SLC35F1: variants seen among roughly 807,000 people sequenced by gnomAD.
SLC35F1 encodes solute carrier family 35 member F1, also known as chromosome 6 open reading frame 169.
In SLC35F1, 14 loss-of-function variants were observed where a neutral mutation model predicts 48.7. The ratio of observed to expected loss-of-function variants is 0.29; its 90% CI spans 0.19 to 0.45. SLC35F1 has a LOEUF of 0.45. Among genes scored for constraint, SLC35F1 ranks in the 20% least tolerant of loss-of-function variants. SLC35F1 has a pLI of 1.00. For missense variants in SLC35F1, 404 were observed against 500.0 expected, an observed-to-expected ratio of 0.81 and a Z score of 1.83; for synonymous variants, 190 against 202.2, an observed-to-expected ratio of 0.94 and a Z score of 0.51.
intron 1 of SLC35F1, among the ~76,000 whole-genome samples, chr6:118,073,222 G>GA (rs1453592825): frequency 1.3e-5 from 2 of 152,062 alleles, no homozygotes; most frequent in Admixed American, 6.6e-5. Flanking sequence ...ATCCTCTATA[G>GA]AAAAAAATGT....
chr6:118,006,127 GA>G (rs1452864836), intron 1 of SLC35F1, among the ~76,000 whole-genome samples: 1 of 152,068 alleles, frequency 6.6e-6, no homozygotes, highest in Non-Finnish European at 1.5e-5. Context: ...GATTAAGTTA[GA>G]ATTATTGCTA....
At chr6:118,183,980 T>C (rs978725689) in intron 2 of SLC35F1, among the ~76,000 whole-genome samples, 1 of 149,834 alleles carries the variant, frequency 6.7e-6, no homozygotes, top group Admixed American at 6.6e-5. Flanking sequence ...GAAATCTGTT[T>C]CTCTCTCCAC....
At chr6:118,069,230 A>G (rs1416652414) in intron 1 of SLC35F1, among the ~76,000 whole-genome samples, 2 of 152,214 alleles carry the variant, frequency 1.3e-5, no homozygotes, top group Non-Finnish European at 2.9e-5. Flanking sequence ...GATCCCAATC[A>G]ATTGTCAAAT....
rs569264963 is a variant in SLC35F1, at chr6:117,972,725, G to A, written c.173+64826G>A. Among the ~76,000 whole-genome samples the A allele has an allele frequency of 5.9e-5, 9 of 152,182 alleles. No individual in the cohort carries two copies. In the South Asian group the frequency reaches 1.9e-3, roughly 32 times the overall value. On this transcript the variant is annotated intron_variant, in intron 1 of 7. Coordinates refer to ENST00000360388, the MANE Select transcript of SLC35F1 (RefSeq NM_001029858.4). The stretch of plus-strand genomic sequence containing the variant: ...CAGCATGGGAAAAACCTGCCCCCAT[G>A]AGTCAGTTACCTCCCACTGGGTCCC...
Position 118,281,250 on chromosome 6 carries a change from T to A in SLC35F1, c.847+3704T>A, listed in dbSNP as rs551049774. Among the ~76,000 whole-genome samples the A allele has an allele frequency of 8.7e-4, 127 of 146,130 alleles. No individual in the cohort carries two copies. The Middle Eastern group carries it at 0.011, about 12-fold the overall frequency. ...ATATTAACTGAGGTATTGATAGGAG[T>A]CAAATAGGATGTTCCTTCAAAGCCT... On this transcript the variant is annotated intron_variant, in intron 6 of 7. Coordinates refer to ENST00000360388, the MANE Select transcript of SLC35F1 (RefSeq NM_001029858.4).
At chr6:117,990,693 AAAG>A (rs1776906551) in intron 1 of SLC35F1, among the ~76,000 whole-genome samples, 3 of 152,162 alleles carry the variant, frequency 2.0e-5, no homozygotes, top group Admixed American at 2.0e-4. Context: ...AAGGTATGTA[AAAG>A]AAGGTGGAGA....
chr6:117,982,457 G>A (rs750702435), intron 1 of SLC35F1, among the ~76,000 whole-genome samples: 3 of 152,072 alleles, frequency 2.0e-5, no homozygotes, highest in East Asian at 1.9e-4. Flanking sequence ...TTCATTCTTC[G>A]TTTCCATGCA....
At position 118,227,031 on chromosome 6, in the gene SLC35F1, A is replaced by G. The variant is rs186809311; in HGVS notation, c.350-8478A>G. 1.6e-4 allele frequency among the ~76,000 whole-genome samples: 24 copies of G among 152,350 alleles called. No homozygotes were observed. In the East Asian group the frequency reaches 4.1e-3, roughly 26 times the overall value. On this transcript the variant is annotated intron_variant, in intron 2 of 7. Transcript: ENST00000360388. ...AAAGTTGCTCAACATTGTGCACACC[A>G]TGGGTGGAATAACCTGGGTGACAGC...
Position 117,984,828 on chromosome 6 carries a change from G to C in SLC35F1, c.173+76929G>C, listed in dbSNP as rs1308868095. Among the ~76,000 whole-genome samples, 3 of 152,334 alleles carry C rather than the reference G, an allele frequency of 2.0e-5. No homozygotes were observed. The East Asian group carries it at 5.8e-4, about 29-fold the overall frequency. On this transcript the variant is annotated intron_variant, in intron 1 of 7. Transcript: ENST00000360388. ...GATGCGTAAACTGAGGCTTAGAAAG[G>C]ATATGAATTAACCAGAGTGCATGAC...
chr6:118,155,786 A>G (rs1774131578), intron 2 of SLC35F1, among the ~76,000 whole-genome samples: 2 of 152,244 alleles, frequency 1.3e-5, no homozygotes, highest in African/African-American at 4.8e-5. Flanking sequence ...TTTGGAGACC[A>G]TTATATACAT....
intron 2 of SLC35F1, among the ~76,000 whole-genome samples, chr6:118,179,667 G>T (rs935313293): frequency 6.6e-6 from 1 of 152,104 alleles, no homozygotes; most frequent in Non-Finnish European, 1.5e-5. Flanking sequence ...TTGTTTATAT[G>T]TTGGGAGAAA....
intron 7 of SLC35F1, among the ~76,000 whole-genome samples, chr6:118,288,893 C>A (rs1332350655): frequency 6.6e-6 from 1 of 152,088 alleles, no homozygotes; most frequent in East Asian, 1.9e-4. Context: ...ACAAAAAAAC[C>A]CCACAAAACG....
chr6:117,990,171 A>C (rs1342127539), intron 1 of SLC35F1, among the ~76,000 whole-genome samples: 1 of 152,216 alleles, frequency 6.6e-6, no homozygotes, highest in Admixed American at 6.5e-5. Flanking sequence ...TAAAGGCATC[A>C]GGTGAAGATC....
In SLC35F1 at chr6:118,013,325, G is replaced by A. The variant is rs74953590; in HGVS notation, c.173+105426G>A. Among the ~76,000 whole-genome samples, 1,103 of 152,208 alleles carry A rather than the reference G, an allele frequency of 7.2e-3. 16 individuals carry two copies. The highest frequency in any genetic ancestry group is 0.025 in the African/African-American group (1,047 of 41,520). ...GGGGAGGGTGTGGACTGGGCAGCAG[G>A]CTTTTAAACATTGATCTGCAGTGTA... is the stretch of plus-strand genomic sequence containing the variant. On this transcript the variant is annotated intron_variant, in intron 1 of 7. Transcript: ENST00000360388.
intron 1 of SLC35F1, among the ~76,000 whole-genome samples, chr6:117,923,710 C>CATATGTACATATATAT (rs1562238868): frequency 1.8e-4 from 4 of 22,558 alleles, no homozygotes; most frequent in Admixed American, 6.6e-4. Flanking sequence ...CATATATGTA[C>CATATGTACATATATAT]ATATATACAT....
intron 3 of SLC35F1, among the ~76,000 whole-genome samples, chr6:118,250,873 G>A (rs530134423): frequency 3.3e-5 from 5 of 152,244 alleles, no homozygotes; most frequent in African/African-American, 1.2e-4. Flanking sequence ...TCAGAAGACT[G>A]AGAATGGCTT....
At chr6:118,122,217 A>AT (rs920888727) in intron 1 of SLC35F1, among the ~76,000 whole-genome samples, 1 of 149,918 alleles carries the variant, frequency 6.7e-6, no homozygotes, top group Admixed American at 6.7e-5. Flanking sequence ...CAATTCCTTC[A>AT]TTTTTTTCTC....
intron 1 of SLC35F1, among the ~76,000 whole-genome samples, chr6:118,144,684 C>A (rs1179303253): frequency 6.6e-6 from 1 of 150,974 alleles, no homozygotes. Flanking sequence ...GATATGTGAT[C>A]CCCTAGTATT....
intron 3 of SLC35F1, among the ~76,000 whole-genome samples, chr6:118,238,959 A>AG (rs1775402119): frequency 6.6e-6 from 1 of 152,020 alleles, no homozygotes; most frequent in South Asian, 2.1e-4. Flanking sequence ...TCACCCATTA[A>AG]GGGAGAGGTG....
Sources: gnomAD v4.1 joint callset for allele counts (sites outside exome capture counted in the v4.1 genomes callset) on GRCh38, gnomAD v4.1.1 for gene constraint, MANE v1.5 for transcripts, NCBI Gene and HGNC (gene_info 2026-07-23, HGNC 2026-07-21) for gene names.